The following TBC1D5 variants were observed in gnomAD, a reference collection of about 807,000 sequenced individuals.
The protein encoded by TBC1D5 is TBC1 domain family, member 5.
TBC1D5 carries 75 observed loss-of-function variants against 100.3 expected under a neutral mutation model. That is an observed-to-expected ratio of 0.75 (90% CI 0.62 to 0.91). TBC1D5 has a LOEUF of 0.91. Among genes scored for constraint, TBC1D5 ranks in the 40% least tolerant of loss-of-function variants. The pLI, the probability that TBC1D5 is intolerant of heterozygous loss-of-function variation, is 0.00. For missense variants in TBC1D5, 910 were observed against 942.4 expected (o/e 0.97, Z 0.45); for synonymous variants, 323 against 325.6 (o/e 0.99, Z 0.09).
At chr3:17,579,935 T>C (rs1406000910) in intron 2 of TBC1D5, among the ~76,000 whole-genome samples, 1 of 152,152 alleles carries the variant, frequency 6.6e-6, no homozygotes, top group Admixed American at 6.6e-5. Flanking sequence ...AATGCCATTA[T>C]TGTATCCCAT....
At chr3:17,564,145 G>A (rs1044924210) in intron 2 of TBC1D5, among the ~76,000 whole-genome samples, 3 of 151,960 alleles carry the variant, frequency 2.0e-5, no homozygotes, top group African/African-American at 7.3e-5. Context: ...AAAACATGGA[G>A]TACTTATACA....
chr3:17,381,784 C>T (rs1025814808), intron 9 of TBC1D5, among the ~76,000 whole-genome samples: 1 of 148,764 alleles, frequency 6.7e-6, no homozygotes, highest in African/African-American at 2.6e-5. Context: ...AAAAATTTCT[C>T]CTAAATCTTC....
At chr3:17,486,972 TA>T (rs2150439429) in intron 3 of TBC1D5, among the ~76,000 whole-genome samples, 1 of 152,348 alleles carries the variant, frequency 6.6e-6, no homozygotes, top group South Asian at 2.1e-4. Context: ...GAAAACGGCA[TA>T]TCCTAGTACT....
chr3:17,613,315 C>T (rs143981635), intron 2 of TBC1D5, among the ~76,000 whole-genome samples: 10,848 of 152,152 alleles, frequency 0.071, 781 homozygotes, highest in African/African-American at 0.19. Context: ...TTCCAAGTCT[C>T]TGCTATCGTG....
chr3:17,178,220 C>T (rs2068032967), intron 19 of TBC1D5, among the ~76,000 whole-genome samples: 1 of 152,078 alleles, frequency 6.6e-6, no homozygotes, highest in Non-Finnish European at 1.5e-5. Context: ...CGCCCACCAC[C>T]ACGCCTGGCT....
chr3:17,293,762 C>A (rs2081986692), intron 14 of TBC1D5, among the ~76,000 whole-genome samples: 1 of 152,204 alleles, frequency 6.6e-6, no homozygotes, highest in Non-Finnish European at 1.5e-5. Flanking sequence ...CCCAGAAGGG[C>A]AGATGTGTAA....
At chr3:17,263,011 G>A (rs2078472384) in intron 15 of TBC1D5, among the ~76,000 whole-genome samples, 1 of 151,882 alleles carries the variant, frequency 6.6e-6, no homozygotes, top group Non-Finnish European at 1.5e-5. Context: ...AGGATCGCTT[G>A]AGGCCAGGAG....
chr3:17,249,304 C>G (rs748307612), intron 16 of TBC1D5, among the ~76,000 whole-genome samples: 2 of 152,178 alleles, frequency 1.3e-5, no homozygotes, highest in Non-Finnish European at 2.9e-5. Flanking sequence ...GACGTGCCTT[C>G]CTAACTAAGC....
rs182948200 is a variant in TBC1D5, at chr3:17,554,952, C to T, written c.-35-46347G>A. On this transcript the variant is annotated intron_variant, in intron 2 of 21. Coordinates refer to ENST00000253692, the Ensembl canonical transcript of TBC1D5. The stretch of plus-strand genomic sequence containing the variant: ...GCCACCTCCGCCTCCCAGGTTCAAG[C>T]GATTCTCCTGCCTCAGCCTCCCAAG... Among the ~76,000 whole-genome samples the T allele has an allele frequency of 1.0e-3, 158 of 151,936 alleles. 2 individuals carry two copies. In the South Asian group the frequency reaches 0.018, roughly 17 times the overall value.
chr3:17,249,379 T>C (rs1006871792), intron 16 of TBC1D5, among the ~76,000 whole-genome samples: 1 of 152,214 alleles, frequency 6.6e-6, no homozygotes, highest in African/African-American at 2.4e-5. Flanking sequence ...CTTGAACACT[T>C]AGAAGCTATT....
At chr3:17,218,777 T>C (rs1053186027) in intron 17 of TBC1D5, among the ~76,000 whole-genome samples, 3 of 152,060 alleles carry the variant, frequency 2.0e-5, no homozygotes, top group Non-Finnish European at 4.4e-5. Flanking sequence ...CAGCTGTCAA[T>C]CTTACTGAGG....
intron 1 of TBC1D5, among the ~76,000 whole-genome samples, chr3:17,677,899 A>G (rs996252399): frequency 6.6e-6 from 1 of 152,168 alleles, no homozygotes; most frequent in Non-Finnish European, 1.5e-5. Context: ...CACAAGGTCA[A>G]AAAAACCAAA....
intron 2 of TBC1D5, among the ~76,000 whole-genome samples, chr3:17,601,899 G>C (rs1467264100): frequency 2.0e-5 from 3 of 151,852 alleles, no homozygotes; most frequent in Non-Finnish European, 2.9e-5. Context: ...GCGCGATCTC[G>C]GCTCACTGCA....
At chr3:17,590,093 TA>T (rs2096756994) in intron 2 of TBC1D5, among the ~76,000 whole-genome samples, 1 of 152,184 alleles carries the variant, frequency 6.6e-6, no homozygotes, top group African/African-American at 2.4e-5. Flanking sequence ...TCTAGACCTA[TA>T]ACTAGACTAA....
At chr3:17,300,830 G>A (rs764040958) in intron 14 of TBC1D5, among the ~76,000 whole-genome samples, 2 of 152,076 alleles carry the variant, frequency 1.3e-5, no homozygotes, top group Admixed American at 6.6e-5. Flanking sequence ...CCAGCACTTC[G>A]GGAGGCTGAG....
intron 15 of TBC1D5, among the ~76,000 whole-genome samples, chr3:17,279,067 C>A (rs1161897634): frequency 6.6e-6 from 1 of 152,150 alleles, no homozygotes; most frequent in Non-Finnish European, 1.5e-5. Context: ...TTACCATTAC[C>A]TTGAAGAGAT....
intron 1 of TBC1D5, among the ~76,000 whole-genome samples, chr3:17,675,052 T>A (rs947187519): frequency 6.6e-6 from 1 of 152,066 alleles, no homozygotes; most frequent in Non-Finnish European, 1.5e-5. Context: ...TTTTAAAATT[T>A]GAATGGTTTA....
chr3:17,444,003 G>A (rs1351650737), intron 3 of TBC1D5, among the ~76,000 whole-genome samples: 1 of 152,032 alleles, frequency 6.6e-6, no homozygotes, highest in Admixed American at 6.6e-5. Flanking sequence ...AGTCTTCAAT[G>A]TAATCTAATT....
chr3:17,684,091 C>CT (rs996707007), intron 1 of TBC1D5, among the ~76,000 whole-genome samples: 16 of 150,024 alleles, frequency 1.1e-4, no homozygotes, highest in African/African-American at 2.9e-4. Flanking sequence ...TTCTTTCTTT[C>CT]TTTTTTTTTC....
Sources: allele counts gnomAD v4.1 joint callset (sites outside exome capture counted in the v4.1 genomes callset), GRCh38; gene constraint gnomAD v4.1.1; transcripts MANE v1.5; gene names NCBI Gene and HGNC (gene_info 2026-07-23, HGNC 2026-07-21).